The following JARID2 variants were observed in gnomAD, a reference collection of about 807,000 sequenced individuals.
JARID2 encodes the protein protein Jumonji.
A neutral mutation model predicts 125.6 loss-of-function variants in JARID2; 21 were observed. The ratio of observed to expected loss-of-function variants is 0.17; its 90% CI spans 0.12 to 0.24. JARID2 has a LOEUF of 0.24. JARID2 is among the 10% of genes least tolerant of loss of function. The probability of loss-of-function intolerance (pLI) is 1.00; values close to 1 mark genes in which losing one functional copy is unlikely to be tolerated. For missense variants in JARID2, 1,303 were observed against 1,639.6 expected (o/e 0.79, Z 3.55); for synonymous variants, 736 against 661.6 (o/e 1.11, Z -1.73).
chr6:15,500,860 T>C (rs769139941), intron 7 of JARID2, 47 bp from the exon 8 acceptor site: 19 of 1,520,044 alleles, frequency 1.2e-5, no homozygotes, highest in Non-Finnish European at 1.7e-5. Flanking sequence ...ATCTTGTTCG[T>C]GTCTCTTTCA....
chr6:15,313,093 G>A (rs1156275710), intron 1 of JARID2, among the ~76,000 whole-genome samples: 1 of 152,158 alleles, frequency 6.6e-6, no homozygotes, highest in Non-Finnish European at 1.5e-5. Flanking sequence ...TCTTGGAAAA[G>A]AATTCAGTGC....
chr6:15,509,265 TGTC>T (rs1771159513), intron 12 of JARID2: 1 of 985,168 alleles, frequency 1.0e-6, no homozygotes, highest in African/African-American at 1.7e-5. Context: ...TCAGATGTCT[TGTC>T]GTCTGATCGT....
intron 1 of JARID2, among the ~76,000 whole-genome samples, chr6:15,290,635 C>G (rs989965821): frequency 1.3e-5 from 2 of 152,072 alleles, no homozygotes; most frequent in Non-Finnish European, 2.9e-5. Context: ...TTTTTCCCCC[C>G]CAAGACAGTG....
intron 1 of JARID2, among the ~76,000 whole-genome samples, chr6:15,326,073 A>G (rs1762524212): frequency 6.6e-6 from 1 of 152,224 alleles, no homozygotes; most frequent in South Asian, 2.1e-4. Context: ...CAATGTGTAT[A>G]TGAAACCCAG....
intron 4 of JARID2, among the ~76,000 whole-genome samples, chr6:15,455,170 G>C (rs1768100650): frequency 6.9e-6 from 1 of 145,058 alleles, no homozygotes; most frequent in African/African-American, 2.6e-5. Context: ...TGCTGCCTTG[G>C]CAATTAAGTG....
chr6:15,309,864 C>CT (rs949189111), intron 1 of JARID2, among the ~76,000 whole-genome samples: 12 of 151,916 alleles, frequency 7.9e-5, no homozygotes, highest in African/African-American at 2.9e-4. Flanking sequence ...TGAGAAGTGG[C>CT]TTGGAAGAGT....
At chr6:15,505,500 A>G (rs1770961515) in intron 9 of JARID2, among the ~76,000 whole-genome samples, 1 of 152,180 alleles carries the variant, frequency 6.6e-6, no homozygotes, top group African/African-American at 2.4e-5. Context: ...TCAAACCAGG[A>G]CAGCTGGTCA....
Position 15,419,884 on chromosome 6 carries a change from G to A in JARID2, c.323+9519G>A, listed in dbSNP as rs534272296. On this transcript the variant is annotated intron_variant, in intron 3 of 17. Transcript: ENST00000341776. ...GTTTGAGATTCATTGAGTGTATTAG[G>A]TTTGTAGATTTCATTTACTATGGAA... 6.6e-5 allele frequency among the ~76,000 whole-genome samples: 10 copies of A among 152,252 alleles called. 1 individual carries two copies. The highest frequency in any genetic ancestry group is 2.2e-4 in the African/African-American group (9 of 41,546).
chr6:15,332,747 A>AT (rs1382589520), intron 1 of JARID2, among the ~76,000 whole-genome samples: 17 of 151,526 alleles, frequency 1.1e-4, no homozygotes, highest in Non-Finnish European at 2.4e-4. Context: ...AAAGAGAACA[A>AT]TTTTTTTGTG....
Position 15,520,906 on chromosome 6 carries a change from TC to T in JARID2, c.*657del. The T allele has an allele frequency of 2.3e-6, 1 of 443,360 alleles. No individual in the cohort carries two copies. Among genetic ancestry groups the T allele is most frequent in the Non-Finnish European group, 4.6e-6 (1 of 217,842 alleles). The allele number at this position is 443,360 out of a possible 1,614,324, so 27.5% of individuals were successfully genotyped here. A position where few individuals can be genotyped will look rare whatever the true frequency, so the allele number is the denominator to read the frequency against. On this transcript the variant is annotated 3_prime_UTR_variant, in exon 18 of 18. Coordinates refer to ENST00000341776, the MANE Select transcript of JARID2 (RefSeq NM_004973.4). ...CACCAGCACATCACTATGCATCTGT[TC>T]CAGGAAAGAAGAAAAGCGAGCGAGG...
intron 3 of JARID2, among the ~76,000 whole-genome samples, chr6:15,441,797 T>C (rs190208732): frequency 1.3e-5 from 2 of 152,188 alleles, no homozygotes; most frequent in Admixed American, 6.5e-5. Flanking sequence ...TATTTTATTT[T>C]ATTTTATTTT....
chr6:15,255,551 C>CTGGTG (rs1160129092), intron 1 of JARID2, among the ~76,000 whole-genome samples: 5 of 152,210 alleles, frequency 3.3e-5, no homozygotes, highest in Admixed American at 6.5e-5. Context: ...GTTTATTGAT[C>CTGGTG]TCTTAAAATC....
At chr6:15,334,644 C>CA (rs1554125133) in intron 1 of JARID2, among the ~76,000 whole-genome samples, 1 of 152,136 alleles carries the variant, frequency 6.6e-6, no homozygotes, top group Admixed American at 6.5e-5. Flanking sequence ...TGGGCCAAGT[C>CA]AGGTACAGGC....
intron 2 of JARID2, chr6:15,401,022 G>A: frequency 7.8e-7 from 1 of 1,289,358 alleles, no homozygotes; most frequent in Non-Finnish European, 1.0e-6. Flanking sequence ...TAGAAGGTCT[G>A]TTCCTATAAA....
chr6:15,423,947 G>C (rs528947364), intron 3 of JARID2, among the ~76,000 whole-genome samples: 17 of 152,116 alleles, frequency 1.1e-4, no homozygotes, highest in Admixed American at 3.9e-4. Context: ...CTCCTCTCCC[G>C]GAGGGTCTTT....
At chr6:15,341,907 T>G (rs1484050144) in intron 1 of JARID2, among the ~76,000 whole-genome samples, 1 of 152,234 alleles carries the variant, frequency 6.6e-6, no homozygotes, top group Admixed American at 6.5e-5. Context: ...TCAATCCTAT[T>G]TAAGTCCTGT....
chr6:15,402,874 A>G (rs966862825), intron 2 of JARID2, among the ~76,000 whole-genome samples: 1 of 152,172 alleles, frequency 6.6e-6, no homozygotes, highest in African/African-American at 2.4e-5. Context: ...TTGTCAGTGT[A>G]AAATTAAAAG....
chr6:15,343,778 A>G (rs1038954410), intron 1 of JARID2, among the ~76,000 whole-genome samples: 2 of 152,238 alleles, frequency 1.3e-5, no homozygotes, highest in South Asian at 2.1e-4. Context: ...TCACAAGACT[A>G]TAAGCCAGCT....
chr6:15,429,779 C>T (rs578257955), intron 3 of JARID2, among the ~76,000 whole-genome samples: 12 of 152,172 alleles, frequency 7.9e-5, no homozygotes, highest in South Asian at 6.2e-4. Context: ...GTTTTGTCTC[C>T]GGCCCTGCGA....
Sources: allele counts gnomAD v4.1 joint callset (sites outside exome capture counted in the v4.1 genomes callset), GRCh38; gene constraint gnomAD v4.1.1; transcripts MANE v1.5; gene names NCBI Gene and HGNC (gene_info 2026-07-23, HGNC 2026-07-21).